The following SRPK2 variants were observed in gnomAD, a reference collection of about 807,000 sequenced individuals.
SRPK2 encodes the protein SFRS protein kinase 2.
SRPK2 carries 21 observed loss-of-function variants against 90.8 expected under a neutral mutation model. The observed-to-expected ratio is 0.23, with a 90% CI of 0.16 to 0.33. SRPK2 has a LOEUF of 0.33. SRPK2 is among the 10% of genes least tolerant of loss of function. SRPK2 has a pLI of 1.00. For missense variants in SRPK2, 620 were observed against 869.0 expected, an observed-to-expected ratio of 0.71 and a Z score of 3.60; for synonymous variants, 288 against 311.1, an observed-to-expected ratio of 0.93 and a Z score of 0.78.
intron 2 of SRPK2, among the ~76,000 whole-genome samples, chr7:105,248,829 G>C (rs935378525): frequency 6.6e-5 from 10 of 151,560 alleles, no homozygotes; most frequent in African/African-American, 2.4e-4. Context: ...CCTGGGCTGA[G>C]GCAGGAGAAC....
intron 2 of SRPK2, among the ~76,000 whole-genome samples, chr7:105,370,678 C>T (rs1362855464): frequency 6.8e-6 from 1 of 146,624 alleles, no homozygotes; most frequent in Non-Finnish European, 1.5e-5. Context: ...TGCAGTGGCA[C>T]CATCTCGGCT....
At chr7:105,298,801 G>C (rs912008884) in intron 2 of SRPK2, 1 of 985,472 alleles carries the variant, frequency 1.0e-6, no homozygotes, top group Non-Finnish European at 1.2e-6. Flanking sequence ...CCCGCTGTAA[G>C]GAGGGCTTCA....
Position 105,159,404 on chromosome 7 carries a change from C to T in SRPK2, c.621+1103G>A, listed in dbSNP as rs1486066808. 2.3e-5 allele frequency among the ~76,000 whole-genome samples: 3 copies of T among 131,186 alleles called. No homozygotes were observed. The East Asian group carries it at 6.7e-4, about 29-fold the overall frequency. The allele number at this position is 131,186 out of a possible 152,430, so 86.1% of individuals were successfully genotyped here. A position where few individuals can be genotyped will look rare whatever the true frequency, so the allele number is the denominator to read the frequency against. On this transcript the variant is annotated intron_variant, in intron 7 of 15. Coordinates refer to ENST00000393651, the MANE Select transcript of SRPK2 (RefSeq NM_182692.3). ...AGGAGGCTGCAATGAGCTGAGATTG[C>T]ACCACTTCACTCCAGCCTGGGTGAC...
At chr7:105,241,424 A>T (rs1800803891) in intron 2 of SRPK2, among the ~76,000 whole-genome samples, 1 of 152,212 alleles carries the variant, frequency 6.6e-6, no homozygotes, top group Admixed American at 6.5e-5. Context: ...ACTCCAAAGC[A>T]TGTGATCATT....
intron 2 of SRPK2, among the ~76,000 whole-genome samples, chr7:105,322,272 C>A (rs1437821522): frequency 6.6e-6 from 1 of 152,022 alleles, no homozygotes; most frequent in Non-Finnish European, 1.5e-5. Context: ...CAAAAATTAG[C>A]CGGGCATAGG....
intron 2 of SRPK2, among the ~76,000 whole-genome samples, chr7:105,284,352 C>T (rs1807749821): frequency 6.6e-6 from 1 of 152,126 alleles, no homozygotes. Flanking sequence ...TCGTGTACGC[C>T]ATCTTAGTGG....
At chr7:105,138,518 G>A (rs920992053) in intron 11 of SRPK2, among the ~76,000 whole-genome samples, 2 of 152,204 alleles carry the variant, frequency 1.3e-5, no homozygotes, top group Non-Finnish European at 2.9e-5. Context: ...ATGATATTAG[G>A]CCAGGTGTGA....
intron 2 of SRPK2, among the ~76,000 whole-genome samples, chr7:105,351,655 T>C (rs1281775990): frequency 6.6e-6 from 1 of 151,638 alleles, no homozygotes; most frequent in Admixed American, 6.6e-5. Flanking sequence ...ATACAAAAAA[T>C]TAGCTGGGTG....
chr7:105,328,058 G>A (rs533906842), intron 2 of SRPK2, among the ~76,000 whole-genome samples: 2 of 152,174 alleles, frequency 1.3e-5, no homozygotes, highest in South Asian at 4.1e-4. Context: ...TTACAGGCGT[G>A]AGCCACAATG....
At position 105,388,677 on chromosome 7, in the gene SRPK2, C is replaced by T. The variant is rs1821947826; in HGVS notation, c.42G>A (p.Arg14=). 6.3e-7 allele frequency: 1 copy of T among 1,589,084 alleles called. No individual in the cohort carries two copies. Among genetic ancestry groups the T allele is most frequent in the Admixed American group, 1.7e-5 (1 of 57,426 alleles). The change falls in exon 2 of 16, where the codon CGG becomes CGA. Residue 14 remains arginine (R), a synonymous_variant. Coordinates refer to ENST00000393651, the MANE Select transcript of SRPK2 (RefSeq NM_182692.3). ...TCGGATGTTTCTCTCTTTTCGGCCTCCGCTTTCGGGCCTGAATGGCCAGCA... is the reference window on the plus strand; with the variant it reads ...TCGGATGTTTCTCTCTTTTCGGCCTTCGCTTTCGGGCCTGAATGGCCAGCA... The part of the protein sequence containing the change: ...RKVLAIQARK[R]RPKREKHPKK...
At chr7:105,177,396 T>A (rs1207010549) in intron 3 of SRPK2, among the ~76,000 whole-genome samples, 2 of 152,206 alleles carry the variant, frequency 1.3e-5, no homozygotes, top group Non-Finnish European at 1.5e-5. Context: ...CACAAAGGAC[T>A]GCAAGAAAAT....
At chr7:105,182,745 G>A (rs1437056281) in intron 3 of SRPK2, among the ~76,000 whole-genome samples, 1 of 152,218 alleles carries the variant, frequency 6.6e-6, no homozygotes, top group African/African-American at 2.4e-5. Context: ...TGGGATTACA[G>A]GCGTGAGCCA....
intron 2 of SRPK2, among the ~76,000 whole-genome samples, chr7:105,353,023 T>G (rs1467186877): frequency 5.9e-5 from 9 of 152,206 alleles, no homozygotes; most frequent in Middle Eastern, 3.2e-3. Context: ...TCACTGCTAG[T>G]TGTTTACCTG....
At chr7:105,391,626 G>A (rs1456991323), upstream of SRPK2, among the ~76,000 whole-genome samples, 1 of 152,020 alleles carries the variant, frequency 6.6e-6, no homozygotes, top group Non-Finnish European at 1.5e-5. Context: ...AGTGAACTAT[G>A]ATCGCACCAC....
At chr7:105,244,810 C>T (rs1406805213) in intron 2 of SRPK2, 2 of 973,078 alleles carry the variant, frequency 2.1e-6, no homozygotes, top group South Asian at 1.3e-5. Context: ...TCGCCCCGTA[C>T]AAGCAGCACG....
intron 2 of SRPK2, among the ~76,000 whole-genome samples, chr7:105,330,359 AT>A (rs1223917124): frequency 4.6e-5 from 7 of 151,354 alleles, no homozygotes; most frequent in African/African-American, 1.5e-4. Context: ...ATAAATAAAA[AT>A]AAAATAAAAT....
upstream of SRPK2, chr7:105,389,247 G>T (rs771375222): frequency 2.1e-4 from 269 of 1,253,658 alleles, no homozygotes; most frequent in Non-Finnish European, 2.5e-4. Context: ...TCCGCACCCC[G>T]GCCGGTCGCG....
intron 2 of SRPK2, among the ~76,000 whole-genome samples, chr7:105,325,881 C>T (rs553300144): frequency 2.0e-5 from 3 of 152,306 alleles, no homozygotes; most frequent in Admixed American, 2.0e-4. Flanking sequence ...GAGAAGCCAA[C>T]AGGGTGAAGC....
chr7:105,148,383 A>G (rs1242254712), intron 7 of SRPK2, among the ~76,000 whole-genome samples: 2 of 152,224 alleles, frequency 1.3e-5, no homozygotes, highest in African/African-American at 4.8e-5. Flanking sequence ...TCTCATATTA[A>G]AACAATCAAA....
Sources: gnomAD v4.1 joint callset for allele counts (sites outside exome capture counted in the v4.1 genomes callset) on GRCh38, gnomAD v4.1.1 for gene constraint, MANE v1.5 for transcripts, NCBI Gene and HGNC (gene_info 2026-07-23, HGNC 2026-07-21) for gene names.